Variants in RGS17 observed in about 807,000 individuals in gnomAD.
RGS17 encodes the protein regulator of G protein signaling 17.
In RGS17, 12 loss-of-function variants were observed where a neutral mutation model predicts 25.5. That is an observed-to-expected ratio of 0.47 (90% confidence interval 0.30 to 0.76). The LOEUF (loss-of-function observed/expected upper bound fraction) is 0.76. Among genes scored for constraint, RGS17 ranks in the 30% least tolerant of loss-of-function variants. The probability of loss-of-function intolerance (pLI) is 0.07; values close to 1 mark genes in which losing one functional copy is unlikely to be tolerated. For synonymous variants in RGS17, 71 were observed against 76.9 expected (o/e 0.92, Z 0.40); for missense variants, 196 against 242.2 (o/e 0.81, Z 1.27).
chr6:153,098,332 A>G (rs1429933233), intron 1 of RGS17, among the ~76,000 whole-genome samples: 2 of 152,204 alleles, frequency 1.3e-5, no homozygotes, highest in African/African-American at 4.8e-5. Flanking sequence ...ATCTTCAATG[A>G]TGACATATCA....
chr6:153,111,367 G>A (rs58060131), intron 1 of RGS17, among the ~76,000 whole-genome samples: 3,191 of 152,272 alleles, frequency 0.021, 108 homozygotes, highest in African/African-American at 0.071. Context: ...CTGCCAGGCC[G>A]CTGTAGCCAG....
chr6:153,030,166 T>A (rs1310836275), intron 2 of RGS17, among the ~76,000 whole-genome samples: 1 of 152,212 alleles, frequency 6.6e-6, no homozygotes, highest in East Asian at 1.9e-4. Flanking sequence ...ATTTGAGAAC[T>A]TAAGAAAATG....
At chr6:153,120,799 C>T (rs1409401622) in intron 1 of RGS17, among the ~76,000 whole-genome samples, 1 of 151,960 alleles carries the variant, frequency 6.6e-6, no homozygotes, top group African/African-American at 2.4e-5. Context: ...TTTAATTTTC[C>T]TGATTCTGCA....
chr6:153,113,521 C>T (rs953498437), intron 1 of RGS17, among the ~76,000 whole-genome samples: 2 of 152,084 alleles, frequency 1.3e-5, no homozygotes, highest in Non-Finnish European at 2.9e-5. Context: ...GACAGATCAA[C>T]GAGACAGAAA....
chr6:153,092,844 G>A (rs1156587360), intron 1 of RGS17, among the ~76,000 whole-genome samples: 1 of 152,168 alleles, frequency 6.6e-6, no homozygotes, highest in Non-Finnish European at 1.5e-5. Context: ...AAGTGTTACA[G>A]AAGCAGTTAT....
At chr6:153,045,721 C>T (rs1186636862) in intron 1 of RGS17, among the ~76,000 whole-genome samples, 3 of 152,126 alleles carry the variant, frequency 2.0e-5, no homozygotes, top group Non-Finnish European at 4.4e-5. Context: ...TAATATATTC[C>T]TGATCAAATG....
intron 2 of RGS17, among the ~76,000 whole-genome samples, chr6:153,038,950 C>T (rs1776287030): frequency 6.6e-6 from 1 of 152,170 alleles, no homozygotes; most frequent in Non-Finnish European, 1.5e-5. Flanking sequence ...ACTCTGGGAA[C>T]TAATGTATCC....
intron 1 of RGS17, among the ~76,000 whole-genome samples, chr6:153,117,516 C>CT (rs756833417): frequency 6.6e-6 from 1 of 152,192 alleles, no homozygotes; most frequent in African/African-American, 2.4e-5. Context: ...ACTCTTTGTA[C>CT]TCTTCCCACT....
At chr6:153,033,258 G>A (rs1455604435) in intron 2 of RGS17, among the ~76,000 whole-genome samples, 2 of 152,020 alleles carry the variant, frequency 1.3e-5, no homozygotes, top group Non-Finnish European at 2.9e-5. Context: ...GATTTGATTT[G>A]GAATGCCAAC....
At position 153,130,061 on chromosome 6, in the gene RGS17, C is replaced by A. The variant is rs1777763683; in HGVS notation, c.-26+1063G>T. On this transcript the variant is annotated intron_variant, in intron 1 of 4. Transcript: ENST00000206262. The surrounding 1 kb of genome is among the most constrained non-coding windows in gnomAD (Gnocchi z 6.4). ...GCCCGCGACAAGGTGCCAGCAGCCTCGGGCTCGCGAGGAGCAGCTCCCACC... is the reference window on the plus strand; with the variant it reads ...GCCCGCGACAAGGTGCCAGCAGCCTAGGGCTCGCGAGGAGCAGCTCCCACC... Among the ~76,000 whole-genome samples, 1 of 152,078 alleles carries A rather than the reference C, an allele frequency of 6.6e-6. No individual in the cohort carries two copies. The highest frequency in any genetic ancestry group is 1.9e-4 in the East Asian group (1 of 5,144).
At chr6:153,120,246 G>T (rs773517345) in intron 1 of RGS17, among the ~76,000 whole-genome samples, 11 of 152,166 alleles carry the variant, frequency 7.2e-5, no homozygotes, top group Non-Finnish European at 1.6e-4. Flanking sequence ...TCAATGGCGT[G>T]CTAAACATCT....
chr6:153,057,221 T>C (rs538897181), intron 1 of RGS17, among the ~76,000 whole-genome samples: 1 of 151,974 alleles, frequency 6.6e-6, no homozygotes, highest in African/African-American at 2.4e-5. Context: ...AGCTTCATAT[T>C]CTTAACTTGG....
chr6:153,054,473 A>T (rs954636431), intron 1 of RGS17, among the ~76,000 whole-genome samples: 14 of 151,816 alleles, frequency 9.2e-5, no homozygotes, highest in Admixed American at 3.9e-4. Context: ...ATACATGGTG[A>T]AACCCCATCT....
At chr6:153,028,051 A>G (rs762150690) in intron 2 of RGS17, among the ~76,000 whole-genome samples, 1 of 152,222 alleles carries the variant, frequency 6.6e-6, no homozygotes, top group Non-Finnish European at 1.5e-5. Flanking sequence ...TACAATGGAA[A>G]GTGAGGCTAG....
chr6:153,116,155 A>T (rs535499958), intron 1 of RGS17, among the ~76,000 whole-genome samples: 33 of 152,278 alleles, frequency 2.2e-4, no homozygotes, highest in South Asian at 1.0e-3. Flanking sequence ...ATGGGGGAAA[A>T]TTTTTACAAT....
At chr6:153,059,046 G>C in intron 1 of RGS17, among the ~76,000 whole-genome samples, 1 of 152,006 alleles carries the variant, frequency 6.6e-6, no homozygotes, top group Non-Finnish European at 1.5e-5. Context: ...GGCTCCATCA[G>C]TGAATATACC....
At chr6:153,071,635 G>A (rs1008999223) in intron 1 of RGS17, among the ~76,000 whole-genome samples, 2 of 152,042 alleles carry the variant, frequency 1.3e-5, no homozygotes, top group Non-Finnish European at 2.9e-5. Context: ...TGCTATAAAG[G>A]TTTCTAAATG....
intron 4 of RGS17, among the ~76,000 whole-genome samples, chr6:153,015,365 T>C (rs1476196140): frequency 1.3e-5 from 2 of 152,230 alleles, no homozygotes; most frequent in African/African-American, 4.8e-5. Flanking sequence ...AAATCTTTTA[T>C]GAAAGGAAGT....
At chr6:153,104,003 A>T (rs558133191) in intron 1 of RGS17, among the ~76,000 whole-genome samples, 1 of 152,342 alleles carries the variant, frequency 6.6e-6, no homozygotes, top group South Asian at 2.1e-4. Flanking sequence ...GAATGTGAAA[A>T]ATATGTATCT....
Sources: gnomAD v4.1 joint callset for allele counts (sites outside exome capture counted in the v4.1 genomes callset) on GRCh38, gnomAD v4.1.1 for gene constraint, Gnocchi (gnomAD v3.1) non-coding constraint, MANE v1.5 for transcripts, NCBI Gene and HGNC (gene_info 2026-07-23, HGNC 2026-07-21) for gene names.